The following PDS5A variants were observed in gnomAD, a reference collection of about 807,000 sequenced individuals.
PDS5A encodes PDS5 cohesin associated factor A, also known as sister chromatid cohesion protein PDS5 homolog A.
In PDS5A, 42 loss-of-function variants were observed where a neutral mutation model predicts 167.1. That is an observed-to-expected ratio of 0.25 (90% CI 0.20 to 0.33). The LOEUF (loss-of-function observed/expected upper bound fraction) is 0.33, where lower values mean the gene tolerates loss of function less well. Ranked by LOEUF, PDS5A falls within the 10% of genes least tolerant of loss-of-function variation. The pLI, the probability that PDS5A is intolerant of heterozygous loss-of-function variation, is 1.00. For missense variants in PDS5A, 1,033 were observed against 1,605.9 expected, an observed-to-expected ratio of 0.64 and a Z score of 6.10; for synonymous variants, 553 against 554.6, an observed-to-expected ratio of 1.00 and a Z score of 0.04.
chr4:39,976,161 AT>A (rs1265234740), intron 2 of PDS5A: 2 of 231,252 alleles, frequency 8.6e-6, no homozygotes, highest in African/African-American at 4.5e-5. Flanking sequence ...TCTGAACAGT[AT>A]TCTCATTAAA....
intron 26 of PDS5A, among the ~76,000 whole-genome samples, chr4:39,857,169 G>A (rs1308875927): frequency 1.3e-5 from 2 of 151,958 alleles, no homozygotes; most frequent in African/African-American, 4.8e-5. Context: ...TGGCTAACAC[G>A]GTGAAACCCC....
intron 2 of PDS5A, among the ~76,000 whole-genome samples, chr4:39,972,877 AATTT>A (rs1225601669): frequency 6.6e-6 from 1 of 150,544 alleles, no homozygotes; most frequent in African/African-American, 2.4e-5. Flanking sequence ...ATAAAACATT[AATTT>A]GTCTTTATAT....
At chr4:39,948,210 C>CAAAAAAAAA (rs35177594) in intron 2 of PDS5A, among the ~76,000 whole-genome samples, 1 of 96,450 alleles carries the variant, frequency 1.0e-5, no homozygotes, top group African/African-American at 4.1e-5. Flanking sequence ...TATCCCGTCT[C>CAAAAAAAAA]AAAAAAAAAA....
At chr4:39,826,780 C>T (rs573275376) in intron 32 of PDS5A, among the ~76,000 whole-genome samples, 33 of 151,948 alleles carry the variant, frequency 2.2e-4, no homozygotes, top group African/African-American at 4.6e-4. Context: ...CCACCACGCC[C>T]GGCCCATTCT....
intron 17 of PDS5A, among the ~76,000 whole-genome samples, chr4:39,886,041 A>C (rs945885662): frequency 3.9e-5 from 6 of 152,228 alleles, no homozygotes; most frequent in Non-Finnish European, 8.8e-5. Flanking sequence ...TTCTTCTGCT[A>C]ATCAGTTTTC....
intron 31 of PDS5A, among the ~76,000 whole-genome samples, chr4:39,841,225 C>T (rs900186998): frequency 3.9e-5 from 6 of 152,166 alleles, no homozygotes; most frequent in South Asian, 4.1e-4. Context: ...CTGCAACCTC[C>T]GCCTCCTGGG....
rs1291460730 is a variant in PDS5A, at chr4:39,823,339, A to C, written c.*2146T>G. 1 of 152,248 alleles carries C rather than the reference A, an allele frequency of 6.6e-6. No homozygotes were observed. Among genetic ancestry groups the C allele is most frequent in the East Asian group, 1.9e-4 (1 of 5,200 alleles). The allele number at this position is 152,248 out of a possible 1,614,324, so 9.4% of individuals were successfully genotyped here. On this transcript the variant is annotated 3_prime_UTR_variant, in exon 33 of 33. Coordinates refer to ENST00000303538, the MANE Select transcript of PDS5A (RefSeq NM_001100399.2). Reference sequence around the variant, plus strand: ...TCATGTTACAAAATTGGGGTGGGCCACTTACATCATACAAGGAGCAAATCC... The same window carrying C: ...TCATGTTACAAAATTGGGGTGGGCCCCTTACATCATACAAGGAGCAAATCC...
At chr4:39,888,857 G>A (rs1483674879) in intron 17 of PDS5A, among the ~76,000 whole-genome samples, 2 of 152,102 alleles carry the variant, frequency 1.3e-5, no homozygotes, top group African/African-American at 2.4e-5. Flanking sequence ...TTTAGAGATC[G>A]GTAGAGTGAC....
chr4:39,907,089 GATTCATTT>G (rs1723442776), intron 11 of PDS5A, among the ~76,000 whole-genome samples: 1 of 152,092 alleles, frequency 6.6e-6, no homozygotes, highest in African/African-American at 2.4e-5. Context: ...CAGTTAGGAA[GATTCATTT>G]ATTCAACTTT....
intron 8 of PDS5A, 109 bp from the exon 9 acceptor site, chr4:39,913,835 T>C (rs998265255): frequency 3.0e-6 from 2 of 675,824 alleles, no homozygotes; most frequent in Non-Finnish European, 5.3e-6. Flanking sequence ...CTTATAACTG[T>C]GAGAAGTTTA....
At chr4:39,860,862 G>C (rs908241958) in intron 26 of PDS5A, among the ~76,000 whole-genome samples, 15 of 151,792 alleles carry the variant, frequency 9.9e-5, no homozygotes, top group African/African-American at 3.6e-4. Context: ...TTGAGTCCAC[G>C]AGTTTGAGAC....
intron 17 of PDS5A, among the ~76,000 whole-genome samples, chr4:39,882,508 A>G (rs1046411026): frequency 7.9e-5 from 12 of 152,246 alleles, no homozygotes; most frequent in Non-Finnish European, 1.5e-5. Flanking sequence ...AATCCTAGTC[A>G]ACATTGCTTG....
chr4:39,926,145 A>G (rs566166130), intron 4 of PDS5A, among the ~76,000 whole-genome samples: 2 of 152,218 alleles, frequency 1.3e-5, no homozygotes, highest in East Asian at 1.9e-4. Context: ...AAAATACTCA[A>G]TATTTTTAAG....
At chr4:39,928,554 T>C (rs1419859259) in intron 2 of PDS5A, among the ~76,000 whole-genome samples, 2 of 152,206 alleles carry the variant, frequency 1.3e-5, no homozygotes, top group Admixed American at 6.6e-5. Flanking sequence ...AGGAGCCTTC[T>C]TCAGGCTCCT....
chr4:39,895,258 A>G lies in PDS5A; in HGVS notation c.1770+3131T>C, dbSNP rs563737769. ...TTGTTAAGGCAATTTCATCATGTGA[A>G]CATTAGAGTGCACGCACACAAACCT... On this transcript the variant is annotated intron_variant, in intron 16 of 32. Coordinates refer to ENST00000303538, the MANE Select transcript of PDS5A (RefSeq NM_001100399.2). Among the ~76,000 whole-genome samples, 112 of 152,138 alleles carry G rather than the reference A, an allele frequency of 7.4e-4. 1 individual carries two copies. In the South Asian group the frequency reaches 0.022, roughly 30 times the overall value.
intron 16 of PDS5A, among the ~76,000 whole-genome samples, chr4:39,893,910 T>A (rs902979919): frequency 1.3e-5 from 2 of 152,244 alleles, no homozygotes; most frequent in Non-Finnish European, 2.9e-5. Context: ...GAGCACTGAT[T>A]GGCTATACTG....
chr4:39,837,623 A>C (rs1716547685), intron 32 of PDS5A: 2 of 445,894 alleles, frequency 4.5e-6, no homozygotes, highest in Admixed American at 3.9e-5. Flanking sequence ...AAATATCAAA[A>C]TACCATATCC....
At chr4:39,957,538 C>T (rs1729038260) in intron 2 of PDS5A, among the ~76,000 whole-genome samples, 1 of 152,088 alleles carries the variant, frequency 6.6e-6, no homozygotes, top group Admixed American at 6.6e-5. Flanking sequence ...GTAATCCTAG[C>T]ACTTTGGGAG....
At chr4:39,942,335 G>A (rs557334701) in intron 2 of PDS5A, among the ~76,000 whole-genome samples, 2 of 152,034 alleles carry the variant, frequency 1.3e-5, no homozygotes, top group Non-Finnish European at 2.9e-5. Context: ...CACAGAGTTC[G>A]ACACTTTTTT....
Sources: allele counts gnomAD v4.1 joint callset (sites outside exome capture counted in the v4.1 genomes callset), GRCh38; gene constraint gnomAD v4.1.1; transcripts MANE v1.5; gene names NCBI Gene and HGNC (gene_info 2026-07-23, HGNC 2026-07-21).